ETFBKMT: variants seen among roughly 807,000 people sequenced by gnomAD.
ETFBKMT encodes the protein electron transfer flavoprotein subunit beta lysine methyltransferase.
ETFBKMT carries 13 observed loss-of-function variants against 18.3 expected under a neutral mutation model. That is an observed-to-expected ratio of 0.71 (90% CI 0.46 to 1.13). ETFBKMT has a LOEUF of 1.13. ETFBKMT is among the 50% of genes most tolerant of loss of function. The pLI, the probability that ETFBKMT is intolerant of heterozygous loss-of-function variation, is 0.00. For synonymous variants in ETFBKMT, 84 were observed against 107.9 expected (o/e 0.78, Z 1.37); for missense variants, 293 against 306.2 (o/e 0.96, Z 0.32).
chr12:31,649,151 C>T (rs965961786), intron 1 of ETFBKMT, among the ~76,000 whole-genome samples: 2 of 152,060 alleles, frequency 1.3e-5, no homozygotes, highest in Non-Finnish European at 1.5e-5. Flanking sequence ...GGGGTTTCAC[C>T]GTGTTGCCCA....
rs367987918 is a variant in ETFBKMT at position 31,672,671 on chromosome 12, T to G, written c.*4681T>G. 12 of 268,674 alleles carry G rather than the reference T, an allele frequency of 4.5e-5. 1 individual carries two copies. The highest frequency in any genetic ancestry group is 9.7e-5 in the Admixed American group (2 of 20,644). The allele number at this position is 268,674 out of a possible 1,614,324, so 16.6% of individuals were successfully genotyped here. ...CCACCAACCAGAGTAATGGTCTAAT[T>G]TCACCATTAACCTGTGTTAATGGTT... On this transcript the variant is annotated 3_prime_UTR_variant, in exon 4 of 4. Transcript: ENST00000357721.
At chr12:31,647,298 A>C (rs1276286767) in intron 1 of ETFBKMT, 2 of 152,214 alleles carry the variant, frequency 1.3e-5, no homozygotes, top group Admixed American at 6.5e-5. Flanking sequence ...TATTTTCTGC[A>C]ATGAACTTGT....
In ETFBKMT at chr12:31,668,171, C is replaced by T; in HGVS notation, c.*181C>T. Reference sequence around the variant, plus strand: ...TTGTCATGTAACTGGTTCTGTATTTCTATGCATGCCAATTATACACATCTC... The same window carrying T: ...TTGTCATGTAACTGGTTCTGTATTTTTATGCATGCCAATTATACACATCTC... On this transcript the variant is annotated 3_prime_UTR_variant, in exon 4 of 4. Transcript: ENST00000357721. 1.8e-6 allele frequency: 1 copy of T among 565,938 alleles called. No individual in the cohort carries two copies. Among genetic ancestry groups the T allele is most frequent in the Non-Finnish European group, 3.1e-6 (1 of 327,754 alleles). 35.1% of individuals were successfully genotyped at this position (565,938 alleles called of 1,614,324 possible).
intron 1 of ETFBKMT, among the ~76,000 whole-genome samples, chr12:31,648,572 T>TG (rs1950987971): frequency 7.8e-6 from 1 of 128,598 alleles, no homozygotes; most frequent in African/African-American, 2.7e-5. Context: ...TTTTTTTTTT[T>TG]TTTTTTTTTG....
intron 1 of ETFBKMT, among the ~76,000 whole-genome samples, chr12:31,649,309 G>A (rs1194926756): frequency 6.6e-6 from 1 of 152,172 alleles, no homozygotes; most frequent in Non-Finnish European, 1.5e-5. Context: ...CAGATACAGA[G>A]GTCTGACTGT....
upstream of ETFBKMT, among the ~76,000 whole-genome samples, chr12:31,658,150 G>A (rs1196709361): frequency 1.3e-5 from 2 of 152,216 alleles, no homozygotes; most frequent in Admixed American, 6.5e-5. Context: ...ATAGAACACC[G>A]AAGCTGGTTA....
rs763525314 is a variant in ETFBKMT at position 31,661,957 on chromosome 12, G to A, written c.4G>A (p.Ala2Thr). 1.2e-6 allele frequency: 2 copies of A among 1,613,142 alleles called. No individual in the cohort carries two copies. The highest frequency in any genetic ancestry group is 3.3e-5 in the Admixed American group (2 of 59,858). Residue 2 changes from alanine to threonine, a missense_variant, in exon 2 of 4, where the codon GCT becomes ACT. Ala to Thr is a moderately conservative substitution (Grantham distance 58, BLOSUM62 0). Transcript: ENST00000357721. MALSLGWKAHRN... is the reference protein window; with the variant it reads MTLSLGWKAHRN... ...CCTGTGTTTGGGGAAAGGACTGATG[G>A]CTTTGAGTCTAGGTTGGAAAGCACA...
intron 1 of ETFBKMT, among the ~76,000 whole-genome samples, chr12:31,652,978 G>A (rs1364913947): frequency 1.3e-5 from 2 of 152,234 alleles, no homozygotes; most frequent in African/African-American, 4.8e-5. Context: ...GGAGGCCGAG[G>A]CCGGCGGATT....
At chr12:31,653,800 T>C (rs1951036934) in intron 1 of ETFBKMT, among the ~76,000 whole-genome samples, 1 of 151,880 alleles carries the variant, frequency 6.6e-6, no homozygotes, top group African/African-American at 2.4e-5. Flanking sequence ...TACAAAAAAT[T>C]AGCTGGGTGT....
At chr12:31,656,090 C>A (rs1314904606), upstream of ETFBKMT, among the ~76,000 whole-genome samples, 2 of 152,144 alleles carry the variant, frequency 1.3e-5, no homozygotes, top group African/African-American at 4.8e-5. Flanking sequence ...TATTGAGTGT[C>A]TGTGCCAGAG....
upstream of ETFBKMT, among the ~76,000 whole-genome samples, chr12:31,655,339 A>G (rs955878281): frequency 1.3e-5 from 2 of 152,218 alleles, no homozygotes; most frequent in African/African-American, 4.8e-5. Flanking sequence ...GCATTTCCAG[A>G]TAACTGCCCT....
rs1328711081 is a variant in ETFBKMT, at chr12:31,668,245, C to T, written c.*255C>T. 5 of 377,966 alleles carry T rather than the reference C, an allele frequency of 1.3e-5. No homozygotes were observed. The highest frequency in any genetic ancestry group is 2.4e-5 in the Non-Finnish European group (5 of 211,500). 23.4% of individuals were successfully genotyped at this position (377,966 alleles called of 1,614,324 possible). A position where few individuals can be genotyped will look rare whatever the true frequency, so the allele number is the denominator to read the frequency against. ...TAACCGCTGAAGGAATATGATTATA[C>T]AATGCCATACTCAATGGTGGCAGCA... On this transcript the variant is annotated 3_prime_UTR_variant, in exon 4 of 4. Transcript: ENST00000357721.
Position 31,672,956 on chromosome 12 carries a change from A to G in ETFBKMT, c.*4966A>G, listed in dbSNP as rs1951313725. 1 of 152,452 alleles carries G rather than the reference A, an allele frequency of 6.6e-6. No homozygotes were observed. Among genetic ancestry groups the G allele is most frequent in the Non-Finnish European group, 1.5e-5 (1 of 68,248 alleles). 9.4% of individuals were successfully genotyped at this position (152,452 alleles called of 1,614,324 possible). Reference sequence around the variant, plus strand: ...TATAAAGCATGATTTTAAATAGATAACCATTATATAAATACACTGTAATTT... The same window carrying G: ...TATAAAGCATGATTTTAAATAGATAGCCATTATATAAATACACTGTAATTT... On this transcript the variant is annotated 3_prime_UTR_variant, in exon 4 of 4. Transcript: ENST00000357721.
At position 31,671,401 on chromosome 12, in the gene ETFBKMT, T is replaced by C. The variant is rs1592141313; in HGVS notation, c.*3411T>C. ...ACTACATCAGAGGCAAAATAAGAAATCTTTTAAGAAAATCTCAAGACTGGC... is the reference window on the plus strand; with the variant it reads ...ACTACATCAGAGGCAAAATAAGAAACCTTTTAAGAAAATCTCAAGACTGGC... On this transcript the variant is annotated 3_prime_UTR_variant, in exon 4 of 4. Coordinates refer to ENST00000357721, the MANE Select transcript of ETFBKMT (RefSeq NM_001135863.2). 6.6e-6 allele frequency: 1 copy of C among 152,272 alleles called. No individual in the cohort carries two copies. The highest frequency in any genetic ancestry group is 2.4e-5 in the African/African-American group (1 of 41,556). 9.4% of individuals were successfully genotyped at this position (152,272 alleles called of 1,614,324 possible).
chr12:31,653,896 T>C (rs2139611922), intron 1 of ETFBKMT, among the ~76,000 whole-genome samples: 1 of 151,702 alleles, frequency 6.6e-6, no homozygotes, highest in Middle Eastern at 3.4e-3. Context: ...TGCAGTGAGC[T>C]GAGATAGCGC....
chr12:31,664,501 C>A (rs899613514), intron 2 of ETFBKMT, among the ~76,000 whole-genome samples: 1 of 152,162 alleles, frequency 6.6e-6, no homozygotes, highest in Non-Finnish European at 1.5e-5. Context: ...GCATGAGTCT[C>A]AACCAGTCAA....
At chr12:31,657,741 G>A (rs1261216549), upstream of ETFBKMT, among the ~76,000 whole-genome samples, 1 of 141,002 alleles carries the variant, frequency 7.1e-6, no homozygotes, top group Non-Finnish European at 1.5e-5. Flanking sequence ...ACAATGAGCC[G>A]AGATCATGCC....
Position 31,668,337 on chromosome 12 carries a change from T to A in ETFBKMT, c.*347T>A. On this transcript the variant is annotated 3_prime_UTR_variant, in exon 4 of 4. Transcript: ENST00000357721. ...ATCTGTTTCTGTAGTCGAGGACAAC[T>A]GTGATGTAACTTTGAATTAAACAAA... The A allele has an allele frequency of 5.5e-6, 1 of 180,934 alleles. No homozygotes were observed. The highest frequency in any genetic ancestry group is 1.5e-4 in the East Asian group (1 of 6,776). 11.2% of individuals were successfully genotyped at this position (180,934 alleles called of 1,614,324 possible).
intron 2 of ETFBKMT, among the ~76,000 whole-genome samples, chr12:31,664,361 C>T (rs1419621868): frequency 6.6e-6 from 1 of 152,080 alleles, no homozygotes; most frequent in African/African-American, 2.4e-5. Flanking sequence ...GAGACAGTGA[C>T]TCTTGGATTG....
Sources: allele counts gnomAD v4.1 joint callset (sites outside exome capture counted in the v4.1 genomes callset), GRCh38; gene constraint gnomAD v4.1.1; transcripts MANE v1.5; gene names NCBI Gene and HGNC (gene_info 2026-07-23, HGNC 2026-07-21).